The following HIVEP1 variants were observed in gnomAD, a reference collection of about 807,000 sequenced individuals.
HIVEP1 encodes HIVEP zinc finger 1, also known as zinc finger protein 40.
HIVEP1 carries 36 observed loss-of-function variants against 180.0 expected under a neutral mutation model. The ratio of observed to expected loss-of-function variants is 0.20; its 90% CI spans 0.15 to 0.26. The LOEUF is 0.26. Among genes scored for constraint, HIVEP1 ranks in the 10% least tolerant of loss-of-function variants. HIVEP1 has a pLI of 1.00. For missense variants in HIVEP1, 3,143 were observed against 3,268.7 expected (o/e 0.96, Z 0.94); for synonymous variants, 1,239 against 1,239.0 (o/e 1.00, Z 0.00).
chr6:12,208,694 G>A, the HIVEP1 span, among the ~76,000 whole-genome samples: 1 of 152,110 alleles, frequency 6.6e-6, no homozygotes, highest in Admixed American at 6.5e-5. Flanking sequence ...GAAGAGGAGA[G>A]GGGGACACAG....
In HIVEP1 at chr6:12,120,360, C is replaced by T. The variant is rs1403861864; in HGVS notation, c.565C>T (p.Pro189Ser). Residue 189 changes from proline to serine, a missense_variant, in exon 4 of 9, where the codon CCC (proline) becomes TCC (serine). By Grantham distance (74) the Pro-to-Ser change is moderately conservative. Transcript: ENST00000379388. ...CTCTTCTCATTGTGGCACTACGTCC[C>T]CCTCCTATACAAACACTGCATTCGA... is the stretch of plus-strand genomic sequence containing the variant. ...CISSHCGTTS[P>S]SYTNTAFDVL... The T allele has an allele frequency of 2.0e-5, 32 of 1,614,106 alleles. No individual in the cohort carries two copies. The highest frequency in any genetic ancestry group is 2.7e-5 in the Non-Finnish European group (32 of 1,179,988).
intron 2 of HIVEP1, among the ~76,000 whole-genome samples, chr6:12,022,176 AT>A (rs768678729): frequency 1.3e-3 from 189 of 145,814 alleles, no homozygotes; most frequent in Middle Eastern, 3.6e-3. Context: ...CACATACAGG[AT>A]TTTTTTTTTT....
At chr6:12,138,480 T>C (rs1188028414) in intron 7 of HIVEP1, among the ~76,000 whole-genome samples, 3 of 152,224 alleles carry the variant, frequency 2.0e-5, no homozygotes, top group South Asian at 2.1e-4. Context: ...AGCATGATGC[T>C]GTGTCTGGAG....
the HIVEP1 span, among the ~76,000 whole-genome samples, chr6:12,177,098 G>T: frequency 1.3e-5 from 2 of 152,314 alleles, no homozygotes; most frequent in African/African-American, 4.8e-5. Flanking sequence ...TCTCTTATAA[G>T]TGGGAGCTAA....
At chr6:12,051,056 G>C (rs1770508070) in intron 2 of HIVEP1, among the ~76,000 whole-genome samples, 1 of 110,310 alleles carries the variant, frequency 9.1e-6, no homozygotes, top group Non-Finnish European at 1.9e-5. Context: ...ATATCAGGAC[G>C]ACAGGGTTTT....
chr6:12,020,639 A>G (rs1481675749), intron 2 of HIVEP1, among the ~76,000 whole-genome samples: 4 of 152,196 alleles, frequency 2.6e-5, no homozygotes, highest in East Asian at 3.9e-4. Context: ...ATGTGTTTCA[A>G]AGCTTTGAAA....
intron 2 of HIVEP1, among the ~76,000 whole-genome samples, chr6:12,043,950 T>C (rs986153378): frequency 6.6e-6 from 1 of 152,128 alleles, no homozygotes; most frequent in Admixed American, 6.5e-5. Flanking sequence ...ATCTGAGGGG[T>C]GGATCTCGGG....
downstream of HIVEP1, among the ~76,000 whole-genome samples, chr6:12,169,355 G>A (rs115560752): frequency 6.2e-3 from 950 of 152,252 alleles, 9 homozygotes; most frequent in African/African-American, 0.022. Flanking sequence ...TGCTTATAAA[G>A]GTTCTCTGGA....
chr6:12,183,128 T>C, the HIVEP1 span, among the ~76,000 whole-genome samples: 3 of 150,940 alleles, frequency 2.0e-5, no homozygotes, highest in Non-Finnish European at 4.4e-5. Context: ...AGAAAAATGA[T>C]TTTTTTTAAT....
intron 7 of HIVEP1, 130 bp downstream of exon 7, chr6:12,136,022 C>A (rs1166798539): frequency 1.9e-6 from 1 of 533,862 alleles, no homozygotes; most frequent in Non-Finnish European, 3.4e-6. Flanking sequence ...ATGCAGTAGA[C>A]TCCTAATTAG....
chr6:12,008,756 C>T (rs947305726), upstream of HIVEP1: 1 of 152,352 alleles, frequency 6.6e-6, no homozygotes, highest in Non-Finnish European at 1.5e-5. Flanking sequence ...GCGCCTCCCT[C>T]TAGCATTTCC....
intron 2 of HIVEP1, among the ~76,000 whole-genome samples, chr6:12,049,981 T>G (rs550187419): frequency 1.3e-5 from 2 of 152,270 alleles, no homozygotes; most frequent in South Asian, 4.1e-4. Flanking sequence ...GGCGATGATA[T>G]GGGCTCTCTG....
chr6:12,109,241 C>T (rs1774724720), intron 3 of HIVEP1, among the ~76,000 whole-genome samples: 1 of 152,216 alleles, frequency 6.6e-6, no homozygotes, highest in African/African-American at 2.4e-5. Context: ...GTTCCGCCCG[C>T]CTCAGCCTCC....
intron 2 of HIVEP1, chr6:12,037,742 T>A: frequency 2.4e-6 from 1 of 424,400 alleles, no homozygotes; most frequent in Non-Finnish European, 4.2e-6. Context: ...GCTCTTTTGC[T>A]CAGGCTGGAG....
intron 3 of HIVEP1, among the ~76,000 whole-genome samples, chr6:12,117,252 A>G (rs1443400389): frequency 6.6e-6 from 1 of 152,228 alleles, no homozygotes; most frequent in Non-Finnish European, 1.5e-5. Context: ...AGCACCAGTC[A>G]AGTGTTAAAA....
At chr6:12,092,871 G>A (rs1015027537) in intron 3 of HIVEP1, among the ~76,000 whole-genome samples, 5 of 152,112 alleles carry the variant, frequency 3.3e-5, no homozygotes, top group South Asian at 2.1e-4. Context: ...GAGCTCTGCC[G>A]AGCAGTGTGA....
chr6:12,171,285 G>C, the HIVEP1 span, among the ~76,000 whole-genome samples: 4 of 152,040 alleles, frequency 2.6e-5, no homozygotes, highest in African/African-American at 9.7e-5. Flanking sequence ...ACTCCTGACC[G>C]CAAGCAATCC....
chr6:12,089,046 A>G (rs1773288090), intron 2 of HIVEP1, 138 bp from the exon 3 acceptor site: 1 of 535,040 alleles, frequency 1.9e-6, no homozygotes, highest in Non-Finnish European at 3.4e-6. Context: ...TCAACAGTTT[A>G]TACACATCTG....
Position 12,015,780 on chromosome 6 carries a change from C to T in HIVEP1, c.40+112C>T, listed in dbSNP as rs185525155. ...GATGTTGACCCTGCCTGGTGAGGAG[C>T]GCTATTTCTCTTGCTCATTTCCAGC... On this transcript the variant is annotated intron_variant, in intron 2 of 8. Transcript: ENST00000379388. 288 of 826,310 alleles carry T rather than the reference C, an allele frequency of 3.5e-4. No individual in the cohort carries two copies. In the African/African-American group the frequency reaches 4.3e-3, roughly 12 times the overall value. The allele number at this position is 826,310 out of a possible 1,614,324, so 51.2% of individuals were successfully genotyped here.
Sources: allele counts gnomAD v4.1 joint callset (sites outside exome capture counted in the v4.1 genomes callset), GRCh38; gene constraint gnomAD v4.1.1; transcripts MANE v1.5; gene names NCBI Gene and HGNC (gene_info 2026-07-23, HGNC 2026-07-21).